Variants in MDGA1 observed in about 807,000 individuals in gnomAD.
The protein encoded by MDGA1 is MAM domain-containing glycosylphosphatidylinositol anchor protein 1.
Under a neutral mutation model 101.5 loss-of-function variants are expected in MDGA1, and 54 were observed. That is an observed-to-expected ratio of 0.53 (90% CI 0.43 to 0.67). MDGA1 has a LOEUF of 0.67. Ranked by LOEUF, MDGA1 falls within the 30% of genes least tolerant of loss-of-function variation. The pLI, the probability that MDGA1 is intolerant of heterozygous loss-of-function variation, is 0.00. For missense variants in MDGA1, 1,083 were observed against 1,323.8 expected (o/e 0.82, Z 2.82); for synonymous variants, 533 against 558.3 (o/e 0.95, Z 0.64).
Position 37,647,214 on chromosome 6 carries a change from C to T in MDGA1, c.2005G>A (p.Ala669Thr), listed in dbSNP as rs763215680. Residue 669 changes from alanine (A) to threonine (T), a missense_variant, in exon 10 of 17, where the codon GCT becomes ACT. Around this residue, in one of 3 missense-constraint regions of MDGA1, gnomAD observed 657 missense variants for 771.4 expected, o/e 0.85. Coordinates refer to ENST00000434837, the MANE Select transcript of MDGA1 (RefSeq NM_153487.4). Reference protein sequence around the residue: ...VLQWTQREPDAVDPVLNYRLS... With the variant: ...VLQWTQREPDTVDPVLNYRLS... The stretch of plus-strand genomic sequence containing the variant: ...CTGTAGTTGAGCACAGGGTCGACAG[C>T]GTCGGGCTCCCTCTGAGTCCACTGC... The T allele has an allele frequency of 4.4e-6, 7 of 1,595,714 alleles. No individual in the cohort carries two copies. Among genetic ancestry groups the T allele is most frequent in the Admixed American group, 1.8e-5 (1 of 57,034 alleles).
Position 37,658,263 on chromosome 6 carries a change from T to A in MDGA1, c.364A>T (p.Ile122Phe). ...AACTCACACTGCACGTCCACGCGGA[T>A]GGACTTGATGGCCGGCACCCCCACG... ...NGVGVPAIKS[I>F]RVDVQYLDEP... Residue 122 changes from isoleucine (I) to phenylalanine (F), a missense_variant, in exon 3 of 17, where the codon ATC (isoleucine) becomes TTC (phenylalanine). Ile to Phe is a conservative substitution (Grantham distance 21). This residue lies in a region of MDGA1 where 310 missense variants were observed against 355.9 expected (regional missense o/e 0.87). Transcript: ENST00000434837. 6.2e-7 allele frequency: 1 copy of A among 1,603,976 alleles called. No individual in the cohort carries two copies. Among genetic ancestry groups the A allele is most frequent in the Non-Finnish European group, 8.5e-7 (1 of 1,175,108 alleles).
At chr6:37,645,390 C>T (rs1761165992) in intron 12 of MDGA1, among the ~76,000 whole-genome samples, 1 of 152,100 alleles carries the variant, frequency 6.6e-6, no homozygotes, top group Non-Finnish European at 1.5e-5. Context: ...AAAAATCAGC[C>T]AGGTGCGGTG....
chr6:37,650,195 A>C lies in MDGA1; in HGVS notation c.1523T>G (p.Met508Arg). 2 of 1,613,204 alleles carry C rather than the reference A, an allele frequency of 1.2e-6. No homozygotes were observed. Among genetic ancestry groups the C allele is most frequent in the Non-Finnish European group, 8.5e-7 (1 of 1,179,740 alleles). ...KLRLERVSRD[M>R]SGTYRCQTAR... ...CGTCTGGCAGCGGTAGGTCCCGCTC[A>C]TGTCTCGGCTCACTCGCTCCAGCCG... Residue 508 changes from methionine to arginine, a missense_variant, in exon 8 of 17, where the codon ATG becomes AGG. Physicochemically the swap from Met to Arg is moderately conservative, Grantham distance 91. This residue lies in a region of MDGA1 where 657 missense variants were observed against 771.4 expected (regional missense o/e 0.85). Transcript: ENST00000434837.
chr6:37,658,499 C>T, intron 2 of MDGA1, 80 bp from the exon 3 acceptor site: 1 of 1,385,724 alleles, frequency 7.2e-7, no homozygotes, highest in Non-Finnish European at 9.8e-7. Context: ...CCTGCAACGG[C>T]ACCCCCTTTC....
At chr6:37,694,558 G>C (rs1054517261) in intron 1 of MDGA1, among the ~76,000 whole-genome samples, 2 of 152,184 alleles carry the variant, frequency 1.3e-5, no homozygotes, top group Admixed American at 6.5e-5. Context: ...ACTAGTCCCA[G>C]ATCTTCGACC....
chr6:37,639,548 C>G (rs967721699), intron 14 of MDGA1: 7 of 152,232 alleles, frequency 4.6e-5, no homozygotes, highest in Non-Finnish European at 7.3e-5. Flanking sequence ...TGCTGCCACT[C>G]GGGTCTAGCA....
At chr6:37,663,443 G>C (rs1342460943) in intron 2 of MDGA1, among the ~76,000 whole-genome samples, 2 of 152,248 alleles carry the variant, frequency 1.3e-5, no homozygotes, top group Non-Finnish European at 2.9e-5. Flanking sequence ...GGAGGAAGCA[G>C]AGTAAGCTAA....
At chr6:37,640,005 G>A (rs938176180) in intron 14 of MDGA1, among the ~76,000 whole-genome samples, 6 of 152,174 alleles carry the variant, frequency 3.9e-5, no homozygotes, top group Non-Finnish European at 8.8e-5. Flanking sequence ...CCTGCAAGGA[G>A]TCAAATAGGG....
At chr6:37,688,641 A>G (rs1385614025) in intron 1 of MDGA1, among the ~76,000 whole-genome samples, 1 of 152,134 alleles carries the variant, frequency 6.6e-6, no homozygotes, top group East Asian at 1.9e-4. Context: ...CTGTTGCCAC[A>G]TGCCACCCAC....
Position 37,632,286 on chromosome 6 carries a change from T to C in MDGA1, c.*5082A>G, listed in dbSNP as rs1052756654. 1.3e-5 allele frequency: 2 copies of C among 152,242 alleles called. No homozygotes were observed. The highest frequency in any genetic ancestry group is 2.9e-5 in the Non-Finnish European group (2 of 68,098). The allele number at this position is 152,242 out of a possible 1,614,324, so 9.4% of individuals were successfully genotyped here. On this transcript the variant is annotated 3_prime_UTR_variant, in exon 17 of 17. Coordinates refer to ENST00000434837, the MANE Select transcript of MDGA1 (RefSeq NM_153487.4). ...CCATCTCTCCCATTAAACAGGGGCTTCCACAAAGGCAGTGTTTGGTTGGTA... is the reference window on the plus strand; with the variant it reads ...CCATCTCTCCCATTAAACAGGGGCTCCCACAAAGGCAGTGTTTGGTTGGTA...
chr6:37,642,745 G>C (rs990444579), intron 14 of MDGA1, among the ~76,000 whole-genome samples: 1 of 152,188 alleles, frequency 6.6e-6, no homozygotes, highest in Non-Finnish European at 1.5e-5. Context: ...CTCAGCCCCT[G>C]TCCTTCCACT....
intron 1 of MDGA1, among the ~76,000 whole-genome samples, chr6:37,682,811 TCC>T (rs1337066821): frequency 6.6e-6 from 1 of 152,170 alleles, no homozygotes; most frequent in Non-Finnish European, 1.5e-5. Context: ...TAATCTCAGG[TCC>T]CAGTTATTAG....
At chr6:37,644,034 G>A (rs1764159012) in intron 13 of MDGA1, 91 bp from the exon 14 acceptor site, 2 of 1,511,534 alleles carry the variant, frequency 1.3e-6, no homozygotes, top group Admixed American at 2.0e-5. Flanking sequence ...TCTGCGGGCT[G>A]AATCTGAAGT....
At position 37,654,385 on chromosome 6, in the gene MDGA1, C is replaced by T. The variant is rs769366070; in HGVS notation, c.871G>A (p.Gly291Ser). The change falls in exon 6 of 17, where the codon GGC becomes AGC. Residue 291 changes from glycine (G) to serine (S), a missense_variant. Transcript: ENST00000434837. ...PLPLGALAQGGTLSIPSVQAR... is the reference protein window; with the variant it reads ...PLPLGALAQGSTLSIPSVQAR... ...TGCACTGAAGGGATGCTGAGGGTGCCACCCTGGGCCAGAGCACCCAGGGGC... is the reference window on the plus strand; with the variant it reads ...TGCACTGAAGGGATGCTGAGGGTGCTACCCTGGGCCAGAGCACCCAGGGGC... 6.2e-7 allele frequency: 1 copy of T among 1,613,600 alleles called. No homozygotes were observed. Among genetic ancestry groups the T allele is most frequent in the Non-Finnish European group, 8.5e-7 (1 of 1,179,678 alleles).
At chr6:37,637,797 G>A (rs954359861) in intron 16 of MDGA1, among the ~76,000 whole-genome samples, 7 of 152,192 alleles carry the variant, frequency 4.6e-5, no homozygotes, top group African/African-American at 1.7e-4. Context: ...TGAGGTAAGT[G>A]AAACATGCAT....
At position 37,680,309 on chromosome 6, in the gene MDGA1, G is replaced by T. The variant is rs543463598; in HGVS notation, c.68-16203C>A. On this transcript the variant is annotated intron_variant, in intron 1 of 16. Transcript: ENST00000434837. ...GGTGGGGCCAAAAGAAGCAATCGGG[G>T]AGAAAGGAAGCCAGCCTGCTCAGAG... Among the ~76,000 whole-genome samples the T allele has an allele frequency of 9.8e-4, 150 of 152,344 alleles. 1 individual carries two copies. Among genetic ancestry groups the T allele is most frequent in the African/African-American group, 3.5e-3 (147 of 41,586 alleles).
chr6:37,658,149 C>A lies in MDGA1; in HGVS notation c.382+96G>T. 2.2e-6 allele frequency: 3 copies of A among 1,371,768 alleles called. No homozygotes were observed. In the Admixed American group the frequency reaches 8.0e-5, roughly 36 times the overall value. The allele number at this position is 1,371,768 out of a possible 1,614,324, so 85.0% of individuals were successfully genotyped here. On this transcript the variant is annotated intron_variant, in intron 3 of 16. Coordinates refer to ENST00000434837, the MANE Select transcript of MDGA1 (RefSeq NM_153487.4). Reference sequence around the variant, plus strand: ...CACCAAGGTCAGCTTCTCCGTTCCACCCCATGCCCACTTCCCCACCTCACC... The same window carrying A: ...CACCAAGGTCAGCTTCTCCGTTCCAACCCATGCCCACTTCCCCACCTCACC...
intron 1 of MDGA1, among the ~76,000 whole-genome samples, chr6:37,680,976 G>C (rs372583456): frequency 1.4e-5 from 2 of 148,078 alleles, no homozygotes; most frequent in African/African-American, 2.5e-5. Flanking sequence ...TCCCCTACTG[G>C]GGCCCACCCT....
At chr6:37,685,311 A>T (rs978514129) in intron 1 of MDGA1, among the ~76,000 whole-genome samples, 3 of 152,078 alleles carry the variant, frequency 2.0e-5, no homozygotes, top group Non-Finnish European at 2.9e-5. Context: ...AAAAAAAAAA[A>T]ATCACTTCAG....
Sources: gnomAD v4.1 joint callset for allele counts (sites outside exome capture counted in the v4.1 genomes callset) on GRCh38, gnomAD v4.1.1 for gene constraint, gnomAD v4.1.1 regional missense constraint, MANE v1.5 for transcripts, NCBI Gene and HGNC (gene_info 2026-07-23, HGNC 2026-07-21) for gene names.